The following PRKN variants were observed in gnomAD, a reference collection of about 807,000 sequenced individuals.
PRKN encodes E3 ubiquitin-protein ligase parkin.
In PRKN, 56 loss-of-function variants were observed where a neutral mutation model predicts 59.5. The observed-to-expected ratio is 0.94, with a 90% CI of 0.76 to 1.18. PRKN has a LOEUF of 1.18. Ranked by LOEUF, PRKN falls within the 50% of genes most tolerant of loss-of-function variation. The pLI, the probability that PRKN is intolerant of heterozygous loss-of-function variation, is 0.00. For missense variants in PRKN, 657 were observed against 596.4 expected, an observed-to-expected ratio of 1.10 and a Z score of -1.06; for synonymous variants, 250 against 222.1, an observed-to-expected ratio of 1.13 and a Z score of -1.12.
At chr6:162,562,750 G>A (rs546537758) in intron 1 of PRKN, among the ~76,000 whole-genome samples, 11 of 152,292 alleles carry the variant, frequency 7.2e-5, no homozygotes, top group East Asian at 3.9e-4. Context: ...CCTACCCAGA[G>A]AGCCTGGCAG....
At chr6:161,644,001 G>A (rs1332284921) in intron 7 of PRKN, among the ~76,000 whole-genome samples, 2 of 152,012 alleles carry the variant, frequency 1.3e-5, no homozygotes, top group Non-Finnish European at 2.9e-5. Context: ...CAATGCCAGA[G>A]GAGCAAGTAA....
intron 6 of PRKN, among the ~76,000 whole-genome samples, chr6:161,939,904 C>CT (rs894504945): frequency 0.012 from 1,814 of 145,810 alleles, 34 homozygotes; most frequent in African/African-American, 0.04. Context: ...GAGTTATTCT[C>CT]TTTTTTTTTT....
intron 6 of PRKN, among the ~76,000 whole-genome samples, chr6:161,932,619 G>A (rs1213685953): frequency 6.6e-6 from 1 of 151,924 alleles, no homozygotes; most frequent in Admixed American, 6.6e-5. Context: ...TTGCCACTTT[G>A]CAAAGCGAAA....
In PRKN at chr6:161,446,138, G is replaced by T. The variant is rs1270471731; in HGVS notation, c.1084-59261C>A. On this transcript the variant is annotated intron_variant, in intron 9 of 11. Transcript: ENST00000366898. The surrounding 1 kb of genome is among the most constrained non-coding windows in gnomAD (Gnocchi z 6.2). ...GTGGGGTGGTGGGAGGATCATCTGAGCCTGGGGAGGTCGAGGCCACAGTAA... is the reference window on the plus strand; with the variant it reads ...GTGGGGTGGTGGGAGGATCATCTGATCCTGGGGAGGTCGAGGCCACAGTAA... Among the ~76,000 whole-genome samples, 1 of 152,108 alleles carries T rather than the reference G, an allele frequency of 6.6e-6. No individual in the cohort carries two copies. The highest frequency in any genetic ancestry group is 6.5e-5 in the Admixed American group (1 of 15,282).
intron 1 of PRKN, among the ~76,000 whole-genome samples, chr6:162,701,408 G>A (rs370317808): frequency 1.1e-4 from 17 of 151,864 alleles, no homozygotes; most frequent in Admixed American, 1.3e-4. Flanking sequence ...TATCAGAACC[G>A]TGGTAGAATC....
At chr6:162,040,827 G>A (rs1190265627) in intron 5 of PRKN, among the ~76,000 whole-genome samples, 1 of 152,000 alleles carries the variant, frequency 6.6e-6, no homozygotes, top group African/African-American at 2.4e-5. Context: ...GTGGGGAGCT[G>A]CCCAAGGAGA....
intron 1 of PRKN, among the ~76,000 whole-genome samples, chr6:162,486,292 G>A (rs1792537653): frequency 6.6e-6 from 1 of 152,038 alleles, no homozygotes; most frequent in East Asian, 1.9e-4. Context: ...TGCTGTTTAA[G>A]CAAAAATGGT....
At position 162,151,805 on chromosome 6, in the gene PRKN, A is replaced by G. The variant is rs370238761; in HGVS notation, c.534+49326T>C. The stretch of plus-strand genomic sequence containing the variant: ...TTCGGAGGACATAAGGTAATAATCA[A>G]TTTTTTTATTCACATAGGGTAAGAA... On this transcript the variant is annotated intron_variant, in intron 4 of 11. Transcript: ENST00000366898. Among the ~76,000 whole-genome samples the G allele has an allele frequency of 2.6e-4, 40 of 152,270 alleles. 1 individual carries two copies. The South Asian group carries it at 7.9e-3, about 30-fold the overall frequency.
intron 1 of PRKN, among the ~76,000 whole-genome samples, chr6:162,487,924 T>C (rs538281415): frequency 2.2e-3 from 323 of 150,180 alleles, no homozygotes; most frequent in African/African-American, 7.7e-3. Flanking sequence ...TTTCAAAAAA[T>C]AATAAAATTA....
chr6:162,360,489 A>G (rs1443656957), intron 2 of PRKN, among the ~76,000 whole-genome samples: 1 of 152,130 alleles, frequency 6.6e-6, no homozygotes, highest in African/African-American at 2.4e-5. Context: ...GTTTTTAGAT[A>G]TTTCCTATAA....
intron 1 of PRKN, chr6:162,568,336 C>G (rs1288132314): frequency 3.0e-6 from 1 of 337,038 alleles, no homozygotes; most frequent in Admixed American, 4.0e-5. Context: ...CTTCTGGAAT[C>G]TCTGCCTGGT....
intron 2 of PRKN, among the ~76,000 whole-genome samples, chr6:162,322,855 A>C (rs1340830013): frequency 6.6e-6 from 1 of 152,066 alleles, no homozygotes; most frequent in East Asian, 1.9e-4. Context: ...GATTAAGAAA[A>C]TGTGACACAT....
chr6:162,044,658 G>A (rs1272961980), intron 5 of PRKN, among the ~76,000 whole-genome samples: 2 of 152,124 alleles, frequency 1.3e-5, no homozygotes, highest in Non-Finnish European at 2.9e-5. Flanking sequence ...CAGAGCAAGT[G>A]GCCAGTAGGA....
intron 2 of PRKN, among the ~76,000 whole-genome samples, chr6:162,312,853 A>G (rs986272153): frequency 2.6e-5 from 4 of 152,196 alleles, no homozygotes; most frequent in Non-Finnish European, 4.4e-5. Context: ...GGAGTTTAGA[A>G]CATTCAGGTT....
intron 4 of PRKN, among the ~76,000 whole-genome samples, chr6:162,110,843 C>T (rs1204343913): frequency 1.3e-5 from 2 of 152,142 alleles, no homozygotes; most frequent in African/African-American, 4.8e-5. Flanking sequence ...CTCTAGGAAA[C>T]GGTCTTGCCA....
intron 9 of PRKN, among the ~76,000 whole-genome samples, chr6:161,449,715 TGTTG>T (rs1789643023): frequency 6.6e-6 from 1 of 152,134 alleles, no homozygotes; most frequent in African/African-American, 2.4e-5. Context: ...AGATGGTGGG[TGTTG>T]GACTGAGTCA....
At chr6:161,619,981 C>CTTTTTTTT (rs71004058) in intron 7 of PRKN, among the ~76,000 whole-genome samples, 20 of 63,122 alleles carry the variant, frequency 3.2e-4, no homozygotes, top group East Asian at 5.0e-4. Context: ...ACACATTATT[C>CTTTTTTTT]TTTTTTTTTT....
At chr6:162,283,977 C>G (rs887297296) in intron 2 of PRKN, among the ~76,000 whole-genome samples, 1 of 152,094 alleles carries the variant, frequency 6.6e-6, no homozygotes, top group African/African-American at 2.4e-5. Context: ...ACTAAGTACA[C>G]ATATAATTCA....
chr6:162,671,092 C>T (rs1031511984), intron 1 of PRKN, among the ~76,000 whole-genome samples: 1 of 152,146 alleles, frequency 6.6e-6, no homozygotes, highest in East Asian at 1.9e-4. Flanking sequence ...AAAAGGAAAT[C>T]AAGCTCTATA....
Sources: gnomAD v4.1 joint callset for allele counts (sites outside exome capture counted in the v4.1 genomes callset) on GRCh38, gnomAD v4.1.1 for gene constraint, Gnocchi (gnomAD v3.1) non-coding constraint, MANE v1.5 for transcripts, NCBI Gene and HGNC (gene_info 2026-07-23, HGNC 2026-07-21) for gene names.